The following ORAI2 variants were observed in gnomAD, a reference collection of about 807,000 sequenced individuals.
ORAI2 encodes the protein protein orai-2.
ORAI2 carries 10 observed loss-of-function variants against 16.2 expected under a neutral mutation model. The ratio of observed to expected loss-of-function variants is 0.62; its 90% CI spans 0.38 to 1.04. ORAI2 has a LOEUF of 1.04. Ranked by LOEUF, ORAI2 falls within the 50% of genes least tolerant of loss-of-function variation. The pLI is 0.01. For missense variants in ORAI2, 238 were observed against 355.5 expected (o/e 0.67, Z 2.66); for synonymous variants, 150 against 157.5 (o/e 0.95, Z 0.35).
In ORAI2 at chr7:102,447,378, T is replaced by G; in HGVS notation, c.*326T>G. 1 of 303,820 alleles carries G rather than the reference T, an allele frequency of 3.3e-6. No individual in the cohort carries two copies. The highest frequency in any genetic ancestry group is 4.7e-5 in the Admixed American group (1 of 21,290). 18.8% of individuals were successfully genotyped at this position (303,820 alleles called of 1,614,324 possible). A position where few individuals can be genotyped will look rare whatever the true frequency, so the allele number is the denominator to read the frequency against. On this transcript the variant is annotated 3_prime_UTR_variant, in exon 4 of 4. Coordinates refer to ENST00000495936, the MANE Select transcript of ORAI2 (RefSeq NM_001126340.3). ...AGGGGCTCCAAGCAGCACCCAGCGGTCCGGGGGAGTCTCAGACCCGGCATG... is the reference window on the plus strand; with the variant it reads ...AGGGGCTCCAAGCAGCACCCAGCGGGCCGGGGGAGTCTCAGACCCGGCATG...
intron 1 of ORAI2, among the ~76,000 whole-genome samples, chr7:102,434,274 C>A (rs190875128): frequency 6.6e-6 from 1 of 152,054 alleles, no homozygotes; most frequent in Non-Finnish European, 1.5e-5. Flanking sequence ...CTCTGTCCCT[C>A]CCCCTGGGCC....
Position 102,447,053 on chromosome 7 carries a change from G to C in ORAI2, c.*1G>C, listed in dbSNP as rs750202229. On this transcript the variant is annotated 3_prime_UTR_variant, in exon 4 of 4. Transcript: ENST00000495936. ...TGAGCGCAGCCTGCAGGTCTTGTGA[G>C]GGGCCGAGGGCCGGGGCTGGGAGCG... is the stretch of plus-strand genomic sequence containing the variant. 1.2e-4 allele frequency: 190 copies of C among 1,530,512 alleles called. 1 individual carries two copies. The highest frequency in any genetic ancestry group is 3.6e-4 in the Admixed American group (18 of 49,746). The allele number at this position is 1,530,512 out of a possible 1,614,324, so 94.8% of individuals were successfully genotyped here.
chr7:102,439,942 T>C (rs1797152753), intron 3 of ORAI2, among the ~76,000 whole-genome samples: 1 of 150,986 alleles, frequency 6.6e-6, no homozygotes, highest in Non-Finnish European at 1.5e-5. Flanking sequence ...ATTAGCTGGG[T>C]ATGGTAGCAG....
chr7:102,446,597 C>G lies in ORAI2; in HGVS notation c.310C>G (p.Leu104Val). 6.2e-7 allele frequency: 1 copy of G among 1,613,790 alleles called. No individual in the cohort carries two copies. Among genetic ancestry groups the G allele is most frequent in the Non-Finnish European group, 8.5e-7 (1 of 1,180,022 alleles). ...TGCCTTCAGCGCCTGCACCACGGTGCTGGTGGCCGTGCACCTGTTCGCCCT... is the reference window on the plus strand; with the variant it reads ...TGCCTTCAGCGCCTGCACCACGGTGGTGGTGGCCGTGCACCTGTTCGCCCT... ...LIAFSACTTV[L>V]VAVHLFALLI... Residue 104 changes from leucine (L) to valine (V), a missense_variant, in exon 4 of 4, where the codon CTG becomes GTG. Transcript: ENST00000495936.
intron 3 of ORAI2, among the ~76,000 whole-genome samples, chr7:102,443,133 T>TCTTCTTCTTC (rs776376067): frequency 2.2e-4 from 16 of 72,450 alleles, no homozygotes; most frequent in African/African-American, 9.6e-4. Context: ...TTCTTCTTCT[T>TCTTCTTCTTC]TTTTTTTTTT....
intron 1 of ORAI2, among the ~76,000 whole-genome samples, chr7:102,434,558 A>G (rs1692320147): frequency 6.6e-6 from 1 of 151,948 alleles, no homozygotes; most frequent in African/African-American, 2.4e-5. Flanking sequence ...GCCCACCCTT[A>G]CTGATGGGGC....
rs1473823794 is a variant in ORAI2 at position 102,455,016 on chromosome 7, AAAATC to A, written c.*7968_*7972del. On this transcript the variant is annotated 3_prime_UTR_variant, in exon 4 of 4. Coordinates refer to ENST00000495936, the MANE Select transcript of ORAI2 (RefSeq NM_001126340.3). ...ACATAGCAAGACTCTATCTCCACTAAAAATCAAAACAAAACAATTAGCTGGGTATG... is the reference window on the plus strand; with the variant it reads ...ACATAGCAAGACTCTATCTCCACTAAAAAACAAAACAATTAGCTGGGTATG... The A allele has an allele frequency of 6.6e-6, 1 of 152,286 alleles. No individual in the cohort carries two copies. Among genetic ancestry groups the A allele is most frequent in the Non-Finnish European group, 1.5e-5 (1 of 68,284 alleles). 9.4% of individuals were successfully genotyped at this position (152,286 alleles called of 1,614,324 possible).
At chr7:102,438,884 C>A in intron 2 of ORAI2, 60 bp from the exon 3 acceptor site, 1 of 1,521,676 alleles carries the variant, frequency 6.6e-7, no homozygotes, top group Non-Finnish European at 9.1e-7. Context: ...GGCTTGGAGT[C>A]TAGCTCTTCC....
intron 3 of ORAI2, 109 bp from the exon 4 acceptor site, chr7:102,446,404 C>T: frequency 2.5e-6 from 3 of 1,192,690 alleles, no homozygotes; most frequent in Admixed American, 2.6e-5. Flanking sequence ...CCCATGGCTA[C>T]CCTGTCCCCC....
chr7:102,455,097 A>G lies in ORAI2; in HGVS notation c.*8045A>G, dbSNP rs981858750. On this transcript the variant is annotated 3_prime_UTR_variant, in exon 4 of 4. Coordinates refer to ENST00000495936, the MANE Select transcript of ORAI2 (RefSeq NM_001126340.3). Reference sequence around the variant, plus strand: ...ACTGGGGAGGCTGAGGGGGAGGATCACTTGAGCCCAGGAGTTCAAGGCTGC... The same window carrying G: ...ACTGGGGAGGCTGAGGGGGAGGATCGCTTGAGCCCAGGAGTTCAAGGCTGC... 8 of 152,276 alleles carry G rather than the reference A, an allele frequency of 5.3e-5. No individual in the cohort carries two copies. Among genetic ancestry groups the G allele is most frequent in the Non-Finnish European group, 7.3e-5 (5 of 68,264 alleles). The allele number at this position is 152,276 out of a possible 1,614,324, so 9.4% of individuals were successfully genotyped here. A position where few individuals can be genotyped will look rare whatever the true frequency, so the allele number is the denominator to read the frequency against.
intron 2 of ORAI2, among the ~76,000 whole-genome samples, chr7:102,438,342 C>G (rs1167269126): frequency 6.6e-6 from 1 of 151,318 alleles, no homozygotes; most frequent in African/African-American, 2.4e-5. Context: ...AAAAATATAT[C>G]AAATCAAATA....
chr7:102,440,276 G>A (rs963537996), intron 3 of ORAI2, among the ~76,000 whole-genome samples: 4 of 152,230 alleles, frequency 2.6e-5, no homozygotes, highest in South Asian at 4.1e-4. Flanking sequence ...CGATGCAGAC[G>A]TTCCTGGAAT....
In ORAI2 at chr7:102,446,701, G is replaced by A. The variant is rs140584655; in HGVS notation, c.414G>A (p.Pro138=). 1.8e-4 allele frequency: 296 copies of A among 1,614,168 alleles called. No individual in the cohort carries two copies. The highest frequency in any genetic ancestry group is 2.3e-4 in the Non-Finnish European group (275 of 1,180,032). Residue 138 remains proline, a synonymous_variant, in exon 4 of 4, where the codon CCG becomes CCA. Coordinates refer to ENST00000495936, the MANE Select transcript of ORAI2 (RefSeq NM_001126340.3). ...ACCTGAACTCCATCAGCGAGTCCCC[G>A]CATGAGCGCATGCACCCCTACATCG... is the stretch of plus-strand genomic sequence containing the variant. ...IHNLNSISES[P]HERMHPYIEL... is the part of the protein sequence containing the mutation.
chr7:102,440,118 A>C (rs1369921125), intron 3 of ORAI2, among the ~76,000 whole-genome samples: 1 of 152,130 alleles, frequency 6.6e-6, no homozygotes, highest in Admixed American at 6.6e-5. Flanking sequence ...ATAAAATCAA[A>C]TCAAATCGCT....
At chr7:102,445,691 C>T (rs1262206185) in intron 3 of ORAI2, among the ~76,000 whole-genome samples, 1 of 151,692 alleles carries the variant, frequency 6.6e-6, no homozygotes, top group African/African-American at 2.4e-5. Flanking sequence ...TCGGGGCTCC[C>T]AGCAGCCTGG....
At position 102,433,744 on chromosome 7, in the gene ORAI2, G is replaced by A. The variant is rs1209609686; in HGVS notation, c.-123+83G>A. The A allele has an allele frequency of 6.6e-6, 1 of 152,360 alleles. No homozygotes were observed. Among genetic ancestry groups the A allele is most frequent in the Non-Finnish European group, 1.5e-5 (1 of 68,264 alleles). 9.4% of individuals were successfully genotyped at this position (152,360 alleles called of 1,614,324 possible). A position where few individuals can be genotyped will look rare whatever the true frequency, so the allele number is the denominator to read the frequency against. On this transcript the variant is annotated intron_variant, in intron 1 of 3. Transcript: ENST00000495936. The surrounding 1 kb of genome is among the most constrained non-coding windows in gnomAD (Gnocchi z 4.6). ...GCCGGAATTGGACCGGGGACGCTCG[G>A]CGGGGAAGGGGACGACTGTAGGCTG...
At position 102,454,059 on chromosome 7, in the gene ORAI2, C is replaced by T. The variant is rs1397169298; in HGVS notation, c.*7007C>T. 1 of 152,366 alleles carries T rather than the reference C, an allele frequency of 6.6e-6. No homozygotes were observed. Among genetic ancestry groups the T allele is most frequent in the Non-Finnish European group, 1.5e-5 (1 of 68,210 alleles). 9.4% of individuals were successfully genotyped at this position (152,366 alleles called of 1,614,324 possible). A position where few individuals can be genotyped will look rare whatever the true frequency, so the allele number is the denominator to read the frequency against. ...CTTTTTGCCTCAGATGCTGCAGAGC[C>T]CTGGTGGGGCCCAGGAGGGCAAGGC... On this transcript the variant is annotated 3_prime_UTR_variant, in exon 4 of 4. Coordinates refer to ENST00000495936, the MANE Select transcript of ORAI2 (RefSeq NM_001126340.3).
At chr7:102,445,282 C>A (rs1421270241) in intron 3 of ORAI2, among the ~76,000 whole-genome samples, 1 of 143,754 alleles carries the variant, frequency 7.0e-6, no homozygotes, top group Non-Finnish European at 1.5e-5. Context: ...TTTAAAAGGT[C>A]AGTTTCCGTT....
intron 3 of ORAI2, 102 bp from the exon 4 acceptor site, chr7:102,446,411 C>T (rs774737617): frequency 7.1e-6 from 9 of 1,272,294 alleles, no homozygotes; most frequent in Non-Finnish European, 9.6e-6. Flanking sequence ...CTACCCTGTC[C>T]CCCGAACCTG....
Sources: gnomAD v4.1 joint callset for allele counts (sites outside exome capture counted in the v4.1 genomes callset) on GRCh38, gnomAD v4.1.1 for gene constraint, Gnocchi (gnomAD v3.1) non-coding constraint, MANE v1.5 for transcripts, NCBI Gene and HGNC (gene_info 2026-07-23, HGNC 2026-07-21) for gene names.